Variants in ADAMTSL1 observed in about 807,000 individuals in gnomAD.
ADAMTSL1 encodes ADAMTS-like protein 1.
ADAMTSL1 carries 126 observed loss-of-function variants against 201.8 expected under a neutral mutation model. The observed-to-expected ratio is 0.62, with a 90% confidence interval of 0.54 to 0.72. The LOEUF (loss-of-function observed/expected upper bound fraction) is 0.72. Among genes scored for constraint, ADAMTSL1 ranks in the 30% least tolerant of loss-of-function variants. The pLI is 0.00. For missense variants in ADAMTSL1, 2,679 were observed against 2,277.8 expected, an observed-to-expected ratio of 1.18 and a Z score of -3.59; for synonymous variants, 1,121 against 903.4, an observed-to-expected ratio of 1.24 and a Z score of -4.32.
intron 2 of ADAMTSL1, among the ~76,000 whole-genome samples, chr9:18,444,881 T>C (rs1348232008): frequency 6.6e-6 from 1 of 152,176 alleles, no homozygotes; most frequent in African/African-American, 2.4e-5. Flanking sequence ...CAGCTAACAC[T>C]GTTGAGCACT....
chr9:18,218,863 T>C (rs1248691941), intron 2 of ADAMTSL1, among the ~76,000 whole-genome samples: 1 of 152,064 alleles, frequency 6.6e-6, no homozygotes, highest in African/African-American at 2.4e-5. Context: ...CTACATTTTA[T>C]TATGAAACCC....
At chr9:18,519,701 G>T (rs1341061) in intron 2 of ADAMTSL1, among the ~76,000 whole-genome samples, 70,966 of 152,038 alleles carry the variant, frequency 0.47, 17,961 homozygotes, top group East Asian at 0.74. Flanking sequence ...TGTGTTAAGT[G>T]ACTGCAAATT....
At chr9:18,028,349 G>A (rs1279040257) in intron 1 of ADAMTSL1, among the ~76,000 whole-genome samples, 1 of 152,032 alleles carries the variant, frequency 6.6e-6, no homozygotes, top group Non-Finnish European at 1.5e-5. Context: ...TGGTGTAGTG[G>A]AAACAAATTC....
chr9:18,458,453 A>G (rs1489408837), intron 2 of ADAMTSL1, among the ~76,000 whole-genome samples: 1 of 152,218 alleles, frequency 6.6e-6, no homozygotes, highest in Non-Finnish European at 1.5e-5. Context: ...TTGAAAAATA[A>G]TGATTTAACC....
rs368275790 is a variant in ADAMTSL1, at chr9:17,971,559, G to A, written c.87+64637G>A. 1.1e-4 allele frequency among the ~76,000 whole-genome samples: 16 copies of A among 151,994 alleles called. No homozygotes were observed. The East Asian group carries it at 2.1e-3, about 20-fold the overall frequency. ...AACAATCATAATTCACAAAATACCTGTACTATTATTGGAAAAGTAAACATT... is the reference window on the plus strand; with the variant it reads ...AACAATCATAATTCACAAAATACCTATACTATTATTGGAAAAGTAAACATT... On this transcript the variant is annotated intron_variant, in intron 1 of 29. Coordinates refer to the ADAMTSL1 transcript ENST00000680146.
chr9:18,764,102 C>G (rs1202692852), intron 16 of ADAMTSL1, among the ~76,000 whole-genome samples: 1 of 152,072 alleles, frequency 6.6e-6, no homozygotes, highest in Non-Finnish European at 1.5e-5. Flanking sequence ...GGTATTTTAC[C>G]ATATTGATCC....
At chr9:18,657,321 C>T (rs1292734648) in intron 7 of ADAMTSL1, among the ~76,000 whole-genome samples, 3 of 151,934 alleles carry the variant, frequency 2.0e-5, no homozygotes, top group African/African-American at 7.3e-5. Flanking sequence ...TCTATTATAC[C>T]AAAGAGGTTG....
intron 2 of ADAMTSL1, among the ~76,000 whole-genome samples, chr9:18,305,103 G>A (rs1243039904): frequency 6.6e-6 from 1 of 152,252 alleles, no homozygotes; most frequent in Middle Eastern, 3.4e-3. Flanking sequence ...AAGTACAAGT[G>A]GTCAGGAACT....
chr9:18,487,041 C>T (rs1460664875), intron 1 of ADAMTSL1, among the ~76,000 whole-genome samples: 1 of 152,144 alleles, frequency 6.6e-6, no homozygotes, highest in Non-Finnish European at 1.5e-5. Flanking sequence ...AAAGATGTAG[C>T]ATTAATGGTC....
intron 1 of ADAMTSL1, among the ~76,000 whole-genome samples, chr9:18,110,653 T>A (rs1395476077): frequency 2.0e-5 from 3 of 152,132 alleles, no homozygotes; most frequent in Non-Finnish European, 4.4e-5. Context: ...TCTTGGTGAC[T>A]ACCAAGCTGT....
At chr9:18,163,423 A>G (rs1259711806) in intron 1 of ADAMTSL1, among the ~76,000 whole-genome samples, 1 of 152,012 alleles carries the variant, frequency 6.6e-6, no homozygotes, top group East Asian at 1.9e-4. Flanking sequence ...GGCTCAGGCC[A>G]GGCTTTTCTT....
intron 2 of ADAMTSL1, among the ~76,000 whole-genome samples, chr9:18,399,936 A>G (rs1204791867): frequency 6.6e-6 from 1 of 152,126 alleles, no homozygotes; most frequent in Non-Finnish European, 1.5e-5. Flanking sequence ...ATCAAAAACC[A>G]CAATAACAAC....
At chr9:18,841,668 G>A (rs1825723289) in intron 23 of ADAMTSL1, among the ~76,000 whole-genome samples, 1 of 152,110 alleles carries the variant, frequency 6.6e-6, no homozygotes, top group African/African-American at 2.4e-5. Context: ...ATCTGATCCT[G>A]GACTGTTTTT....
chr9:18,382,915 A>G (rs1837619473), intron 2 of ADAMTSL1, among the ~76,000 whole-genome samples: 1 of 152,228 alleles, frequency 6.6e-6, no homozygotes, highest in Non-Finnish European at 1.5e-5. Flanking sequence ...TGACAAATAT[A>G]CAGAGGGAAC....
intron 1 of ADAMTSL1, among the ~76,000 whole-genome samples, chr9:18,154,780 G>C (rs1462861572): frequency 1.3e-5 from 2 of 152,000 alleles, no homozygotes; most frequent in South Asian, 2.1e-4. Flanking sequence ...GACAGAAATG[G>C]GTGGGAAGAA....
intron 1 of ADAMTSL1, among the ~76,000 whole-genome samples, chr9:18,132,484 C>G (rs1173952420): frequency 6.6e-6 from 1 of 152,072 alleles, no homozygotes; most frequent in Non-Finnish European, 1.5e-5. Context: ...AGAATATCAG[C>G]ATTTAATGGG....
At chr9:17,922,978 G>GT (rs1418059050) in intron 1 of ADAMTSL1, among the ~76,000 whole-genome samples, 3 of 152,108 alleles carry the variant, frequency 2.0e-5, no homozygotes, top group African/African-American at 4.8e-5. Flanking sequence ...GCTTCTGTGT[G>GT]TTTTTTCTTC....
At chr9:18,177,725 T>G (rs1478382159) in intron 2 of ADAMTSL1, among the ~76,000 whole-genome samples, 1 of 152,132 alleles carries the variant, frequency 6.6e-6, no homozygotes, top group African/African-American at 2.4e-5. Flanking sequence ...GTAAGAGATC[T>G]TCCGGTTGCT....
At chr9:18,132,809 T>C (rs2131971664) in intron 1 of ADAMTSL1, among the ~76,000 whole-genome samples, 1 of 152,320 alleles carries the variant, frequency 6.6e-6, no homozygotes, top group East Asian at 1.9e-4. Context: ...TTGTTGTTTA[T>C]TGTCTACAAT....
Sources: allele counts gnomAD v4.1 joint callset (sites outside exome capture counted in the v4.1 genomes callset), GRCh38; gene constraint gnomAD v4.1.1; transcripts MANE v1.5; gene names NCBI Gene and HGNC (gene_info 2026-07-23, HGNC 2026-07-21).